Variants in SMAD1 observed in about 807,000 individuals in gnomAD.
The protein encoded by SMAD1 is MAD, mothers against decapentaplegic homolog 1.
Under a neutral mutation model 41.6 loss-of-function variants are expected in SMAD1, and 6 were observed. The ratio of observed to expected loss-of-function variants is 0.14; its 90% confidence interval spans 0.08 to 0.28. The LOEUF (loss-of-function observed/expected upper bound fraction) is 0.28. Among genes scored for constraint, SMAD1 ranks in the 10% least tolerant of loss-of-function variants. The pLI is 1.00. For synonymous variants in SMAD1, 206 were observed against 203.2 expected, an observed-to-expected ratio of 1.01 and a Z score of -0.12; for missense variants, 379 against 582.6, an observed-to-expected ratio of 0.65 and a Z score of 3.60.
intron 5 of SMAD1, among the ~76,000 whole-genome samples, chr4:145,550,520 AT>A (rs1159551637): frequency 6.6e-6 from 1 of 152,104 alleles, no homozygotes; most frequent in Admixed American, 6.5e-5. Context: ...CTTGAAATAA[AT>A]TAATTAATTA....
At chr4:145,510,034 G>T (rs1457920619) in intron 1 of SMAD1, among the ~76,000 whole-genome samples, 2 of 152,200 alleles carry the variant, frequency 1.3e-5, no homozygotes, top group Admixed American at 6.5e-5. Context: ...CTGTAGTGAA[G>T]ATGACAGATG....
At chr4:145,533,772 G>A (rs747814518) in intron 2 of SMAD1, among the ~76,000 whole-genome samples, 1 of 152,218 alleles carries the variant, frequency 6.6e-6, no homozygotes, top group Non-Finnish European at 1.5e-5. Context: ...CCATGTGGTA[G>A]TAATTACCAG....
At chr4:145,498,874 C>T (rs1056149688) in intron 1 of SMAD1, among the ~76,000 whole-genome samples, 1 of 152,080 alleles carries the variant, frequency 6.6e-6, no homozygotes, top group Non-Finnish European at 1.5e-5. Context: ...TGTTAGGCAC[C>T]TGGGTTATTT....
chr4:145,551,990 T>G (rs1193869119), intron 5 of SMAD1, among the ~76,000 whole-genome samples: 2 of 152,148 alleles, frequency 1.3e-5, no homozygotes, highest in Non-Finnish European at 2.9e-5. Flanking sequence ...GGAAAATCAT[T>G]TAAAAAACAT....
At chr4:145,484,222 A>C (rs1222900022) in intron 1 of SMAD1, among the ~76,000 whole-genome samples, 3 of 152,242 alleles carry the variant, frequency 2.0e-5, no homozygotes, top group Non-Finnish European at 4.4e-5. Context: ...GTGTGTGTGT[A>C]TAAAAGATCT....
intron 1 of SMAD1, chr4:145,513,377 G>A (rs1730197524): frequency 6.6e-6 from 1 of 152,150 alleles, no homozygotes; most frequent in East Asian, 1.9e-4. Flanking sequence ...AGTTTAGCCA[G>A]GGTTTGTACA....
At chr4:145,492,741 CT>C (rs1228666952) in intron 1 of SMAD1, among the ~76,000 whole-genome samples, 1 of 152,238 alleles carries the variant, frequency 6.6e-6, no homozygotes, top group Non-Finnish European at 1.5e-5. Flanking sequence ...TAGTTAGGGG[CT>C]GCCAGCCAAC....
intron 2 of SMAD1, among the ~76,000 whole-genome samples, chr4:145,534,686 T>C (rs972792102): frequency 6.6e-6 from 1 of 152,190 alleles, no homozygotes; most frequent in Non-Finnish European, 1.5e-5. Flanking sequence ...ATGAATGGTG[T>C]TGGGGTTAAC....
At chr4:145,527,380 C>T (rs1034049607) in intron 2 of SMAD1, among the ~76,000 whole-genome samples, 13 of 152,138 alleles carry the variant, frequency 8.5e-5, no homozygotes, top group Non-Finnish European at 1.5e-4. Context: ...CCCGCCACTA[C>T]GCCCAGCCAA....
At chr4:145,505,141 G>A (rs1729692244) in intron 1 of SMAD1, among the ~76,000 whole-genome samples, 1 of 152,128 alleles carries the variant, frequency 6.6e-6, no homozygotes, top group Non-Finnish European at 1.5e-5. Context: ...AAGTGAAATG[G>A]AGCAGGTTAG....
At chr4:145,526,308 T>C (rs1227009912) in intron 2 of SMAD1, among the ~76,000 whole-genome samples, 2 of 152,240 alleles carry the variant, frequency 1.3e-5, no homozygotes, top group Non-Finnish European at 2.9e-5. Context: ...GTAGTTTCCC[T>C]ATCAGTTCTA....
At chr4:145,518,494 A>C (rs1730546113) in intron 2 of SMAD1, among the ~76,000 whole-genome samples, 1 of 110,426 alleles carries the variant, frequency 9.1e-6, no homozygotes. Context: ...CATCTCAAAA[A>C]AAAAAAATAA....
intron 1 of SMAD1, among the ~76,000 whole-genome samples, chr4:145,490,906 G>A (rs1344551161): frequency 4.6e-5 from 7 of 152,030 alleles, no homozygotes; most frequent in Non-Finnish European, 1.0e-4. Context: ...CATTCATTAC[G>A]GTTAAAAACA....
chr4:145,536,363 G>C (rs2126500441), intron 2 of SMAD1, among the ~76,000 whole-genome samples: 1 of 152,236 alleles, frequency 6.6e-6, no homozygotes, highest in Non-Finnish European at 1.5e-5. Flanking sequence ...TGGTGGAAAG[G>C]GAAGGTAAGA....
rs1225578904 is a variant in SMAD1 at position 145,482,230 on chromosome 4, C to G, written c.-177+192C>G. ...TGCGCGGGGCGGGCCGCGACCCCCCCCCCCCATGATGGCGCCTCCCGTCTG... is the reference window on the plus strand; with the variant it reads ...TGCGCGGGGCGGGCCGCGACCCCCCGCCCCCATGATGGCGCCTCCCGTCTG... On this transcript the variant is annotated intron_variant, in intron 1 of 6. Transcript: ENST00000302085. The surrounding 1 kb of genome is among the most constrained non-coding windows in gnomAD (Gnocchi z 4.2). Among the ~76,000 whole-genome samples the G allele has an allele frequency of 2.0e-5, 3 of 150,196 alleles. No homozygotes were observed. The highest frequency in any genetic ancestry group is 6.6e-5 in the Admixed American group (1 of 15,194).
At chr4:145,484,843 ACCC>A (rs1728392421) in intron 1 of SMAD1, 2 of 152,136 alleles carry the variant, frequency 1.3e-5, no homozygotes, top group African/African-American at 4.8e-5. Context: ...TCCTTTTATT[ACCC>A]CTGAATTTTC....
chr4:145,492,999 G>A (rs918582275), intron 1 of SMAD1, among the ~76,000 whole-genome samples: 4 of 152,136 alleles, frequency 2.6e-5, no homozygotes, highest in Non-Finnish European at 4.4e-5. Flanking sequence ...ATTTGTCTGC[G>A]TCTTCTGTCT....
At chr4:145,491,377 G>C (rs1056145514) in intron 1 of SMAD1, among the ~76,000 whole-genome samples, 11 of 152,170 alleles carry the variant, frequency 7.2e-5, no homozygotes, top group African/African-American at 2.7e-4. Context: ...GCTGCAGTGA[G>C]CTATGATTGT....
intron 2 of SMAD1, among the ~76,000 whole-genome samples, chr4:145,524,265 G>C (rs1159689798): frequency 6.6e-6 from 1 of 152,082 alleles, no homozygotes; most frequent in Non-Finnish European, 1.5e-5. Flanking sequence ...TTTATACCCA[G>C]ATCTTTTAGT....
Sources: allele counts gnomAD v4.1 joint callset (sites outside exome capture counted in the v4.1 genomes callset), GRCh38; gene constraint gnomAD v4.1.1; non-coding constraint Gnocchi (gnomAD v3.1); transcripts MANE v1.5; gene names NCBI Gene and HGNC (gene_info 2026-07-23, HGNC 2026-07-21).